SMC3: variants seen among roughly 807,000 people sequenced by gnomAD.
SMC3 encodes structural maintenance of chromosomes 3.
SMC3 carries 20 observed loss-of-function variants against 171.8 expected under a neutral mutation model. The ratio of observed to expected loss-of-function variants is 0.12; its 90% confidence interval spans 0.08 to 0.17. The LOEUF (loss-of-function observed/expected upper bound fraction) is 0.17. Among genes scored for constraint, SMC3 ranks in the 10% least tolerant of loss-of-function variants. The pLI is 1.00. For missense variants in SMC3, 543 were observed against 1,420.4 expected (o/e 0.38, Z 9.93); for synonymous variants, 464 against 451.1 (o/e 1.03, Z -0.36).
chr10:110,598,269 A>G lies in SMC3; in HGVS notation c.2247A>G (p.Ser749=), dbSNP rs1460812195. 2 of 1,613,944 alleles carry G rather than the reference A, an allele frequency of 1.2e-6. No homozygotes were observed. The highest frequency in any genetic ancestry group is 2.7e-5 in the African/African-American group (2 of 74,932). ...MKMLKEKRQQ[S]EKTFMPKQRS... The stretch of plus-strand genomic sequence containing the variant: ...TGCTAAAAGAGAAGAGGCAGCAGTC[A>G]GAGAAAACCTTCATGCCTAAGGTTC... The change falls in exon 20 of 29, where the codon TCA becomes TCG. Residue 749 remains serine, a synonymous_variant. Transcript: ENST00000361804.
chr10:110,573,229 T>C (rs186608652), intron 2 of SMC3, among the ~76,000 whole-genome samples: 1 of 152,312 alleles, frequency 6.6e-6, no homozygotes, highest in East Asian at 1.9e-4. Context: ...AAAAAGTACC[T>C]TAAAATTATT....
intron 3 of SMC3, among the ~76,000 whole-genome samples, chr10:110,574,629 T>TG (rs1860920098): frequency 6.6e-6 from 1 of 152,202 alleles, no homozygotes; most frequent in African/African-American, 2.4e-5. Flanking sequence ...CCTCGACCTG[T>TG]GTCCACAGCA....
chr10:110,595,112 A>G (rs1861276868), intron 18 of SMC3, among the ~76,000 whole-genome samples: 1 of 151,736 alleles, frequency 6.6e-6, no homozygotes, highest in Non-Finnish European at 1.5e-5. Flanking sequence ...CCTCCCAAGT[A>G]GCTGGGATTA....
intron 14 of SMC3, 77 bp downstream of exon 14, chr10:110,589,785 AGTT>A: frequency 7.0e-7 from 1 of 1,433,034 alleles, no homozygotes; most frequent in East Asian, 2.3e-5. Flanking sequence ...TTAAGTTACA[AGTT>A]AACCGGTCAG....
At chr10:110,575,236 C>T (rs1346239815) in intron 3 of SMC3, 100 bp from the exon 4 acceptor site, 1 of 839,940 alleles carries the variant, frequency 1.2e-6, no homozygotes, top group Non-Finnish European at 2.0e-6. Flanking sequence ...TTTGCATTGT[C>T]TATTACCAGA....
chr10:110,577,312 T>G (rs1332340985), intron 4 of SMC3, 109 bp from the exon 5 acceptor site: 3 of 801,106 alleles, frequency 3.7e-6, no homozygotes, highest in Non-Finnish European at 6.5e-6. Flanking sequence ...CTAGCAGAAA[T>G]TTTTCTCCAT....
At chr10:110,572,236 T>G (rs1162726607) in intron 2 of SMC3, among the ~76,000 whole-genome samples, 1 of 152,232 alleles carries the variant, frequency 6.6e-6, no homozygotes, top group African/African-American at 2.4e-5. Context: ...CTTTAATGTG[T>G]ACTTTCTAAG....
At chr10:110,596,324 G>GT (rs1034961755) in intron 18 of SMC3, 74 bp from the exon 19 acceptor site, 15 of 1,403,998 alleles carry the variant, frequency 1.1e-5, no homozygotes, top group African/African-American at 7.3e-5. Context: ...CTGTAGGTTA[G>GT]TTTTTTTGTT....
chr10:110,569,484 G>C (rs191131377), intron 2 of SMC3, among the ~76,000 whole-genome samples: 4 of 152,126 alleles, frequency 2.6e-5, no homozygotes, highest in Non-Finnish European at 4.4e-5. Context: ...CAGTTATAGG[G>C]GGGTGGGGGC....
At position 110,571,084 on chromosome 10, in the gene SMC3, A is replaced by G. The variant is rs911889306; in HGVS notation, c.91+2071A>G. Reference sequence around the variant, plus strand: ...ACCTTTAACAAAAGAAATACATGTTATAGAACATTATGGAAAAGCTAAAAG... The same window carrying G: ...ACCTTTAACAAAAGAAATACATGTTGTAGAACATTATGGAAAAGCTAAAAG... On this transcript the variant is annotated intron_variant, in intron 2 of 28. Coordinates refer to ENST00000361804, the MANE Select transcript of SMC3 (RefSeq NM_005445.4). Among the ~76,000 whole-genome samples the G allele has an allele frequency of 3.9e-5, 6 of 152,234 alleles. No homozygotes were observed. In the East Asian group the frequency reaches 9.6e-4, roughly 24 times the overall value.
chr10:110,573,755 G>A lies in SMC3; in HGVS notation c.130+10G>A, dbSNP rs1860907518. Reference sequence around the variant, plus strand: ...AGTAACTTTTTTTATGGTAGGTGTTGCTTTTTGAATTGTAAATATATTAAG... The same window carrying A: ...AGTAACTTTTTTTATGGTAGGTGTTACTTTTTGAATTGTAAATATATTAAG... On this transcript the variant is annotated intron_variant, in intron 3 of 28. Transcript: ENST00000361804. 1.3e-6 allele frequency: 2 copies of A among 1,570,712 alleles called. No individual in the cohort carries two copies. The highest frequency in any genetic ancestry group is 1.4e-5 in the African/African-American group (1 of 74,004).
chr10:110,593,891 G>A (rs1861250577), intron 18 of SMC3, among the ~76,000 whole-genome samples: 1 of 151,940 alleles, frequency 6.6e-6, no homozygotes, highest in East Asian at 1.9e-4. Flanking sequence ...AGAAGGCTGA[G>A]GCATGAGAAT....
chr10:110,583,762 T>C (rs1861066635), intron 11 of SMC3, 79 bp from the exon 12 acceptor site: 1 of 1,521,200 alleles, frequency 6.6e-7, no homozygotes, highest in African/African-American at 1.4e-5. Context: ...CATGAAGTTT[T>C]TTTCCTGAGA....
At position 110,589,938 on chromosome 10, in the gene SMC3, A is replaced by G; in HGVS notation, c.1456A>G (p.Lys486Glu). 1 of 1,614,074 alleles carries G rather than the reference A, an allele frequency of 6.2e-7. No homozygotes were observed. The highest frequency in any genetic ancestry group is 8.5e-7 in the Non-Finnish European group (1 of 1,179,986). Reference protein sequence around the residue: ...ENAEQQALAAKREDLEKKQQL... With the variant: ...ENAEQQALAAEREDLEKKQQL... ...TGCAGAACAGCAAGCACTTGCTGCT[A>G]AAAGAGAAGATCTTGAAAAGAAGCA... The change falls in exon 15 of 29, where the codon AAA becomes GAA. Residue 486 changes from lysine to glutamate, a missense_variant. Lys to Glu is a moderately conservative substitution (Grantham distance 56, BLOSUM62 1). Transcript: ENST00000361804.
At chr10:110,590,593 T>A (rs778103455) in intron 16 of SMC3, 21 bp downstream of exon 16, 3 of 1,609,760 alleles carry the variant, frequency 1.9e-6, no homozygotes, top group South Asian at 1.1e-5. Context: ...TTGCTTGATA[T>A]TTAGCATTTT....
chr10:110,599,155 T>C (rs1861347674), intron 20 of SMC3, among the ~76,000 whole-genome samples: 1 of 152,104 alleles, frequency 6.6e-6, no homozygotes, highest in Non-Finnish European at 1.5e-5. Context: ...TGGAGTGCAA[T>C]GGCGTGATCT....
Position 110,598,205 on chromosome 10 carries a change from T to A in SMC3, c.2183T>A (p.Phe728Tyr), listed in dbSNP as rs1372477853. Residue 728 changes from phenylalanine to tyrosine, a missense_variant, in exon 20 of 29, where the codon TTT (phenylalanine) becomes TAT (tyrosine). Phe to Tyr is a conservative substitution (Grantham distance 22). This residue lies in a region of SMC3 where 218 missense variants were observed against 509.6 expected (regional missense o/e 0.43). Coordinates refer to ENST00000361804, the MANE Select transcript of SMC3 (RefSeq NM_005445.4). ...CAGATCGAGACCCAGCAAAGGAAAT[T>A]TAAAGCATCTAGAGATAGCATATTA... ...MQQIETQQRK[F>Y]KASRDSILSE... is the part of the protein sequence containing the mutation. 6.2e-7 allele frequency: 1 copy of A among 1,613,914 alleles called. No individual in the cohort carries two copies. The highest frequency in any genetic ancestry group is 8.5e-7 in the Non-Finnish European group (1 of 1,179,910).
chr10:110,600,615 A>T, intron 22 of SMC3, 69 bp downstream of exon 22: 1 of 819,080 alleles, frequency 1.2e-6, no homozygotes, highest in Non-Finnish European at 2.1e-6. Context: ...AAGTGGTTAT[A>T]TCAGAGGCTC....
chr10:110,600,641 G>A, intron 22 of SMC3, 95 bp downstream of exon 22: 1 of 750,076 alleles, frequency 1.3e-6, no homozygotes, highest in Non-Finnish European at 2.4e-6. Flanking sequence ...GAAAGCATGG[G>A]CTTTGGGGAC....
Sources: gnomAD v4.1 joint callset for allele counts (sites outside exome capture counted in the v4.1 genomes callset) on GRCh38, gnomAD v4.1.1 for gene constraint, gnomAD v4.1.1 regional missense constraint, MANE v1.5 for transcripts, NCBI Gene and HGNC (gene_info 2026-07-23, HGNC 2026-07-21) for gene names.